The following NSMCE1 variants were observed in gnomAD, a reference collection of about 807,000 sequenced individuals.
NSMCE1 encodes the protein NSE1 component of SMC5/6 complex.
NSMCE1 carries 18 observed loss-of-function variants against 29.6 expected under a neutral mutation model. The observed-to-expected ratio is 0.61, with a 90% CI of 0.42 to 0.90. The LOEUF is 0.90. Ranked by LOEUF, NSMCE1 falls within the 40% of genes least tolerant of loss-of-function variation. The probability of loss-of-function intolerance (pLI) is 0.00; values close to 1 mark genes in which losing one functional copy is unlikely to be tolerated. For missense variants in NSMCE1, 314 were observed against 343.6 expected, an observed-to-expected ratio of 0.91 and a Z score of 0.68; for synonymous variants, 124 against 133.4, an observed-to-expected ratio of 0.93 and a Z score of 0.49.
intron 2 of NSMCE1, among the ~76,000 whole-genome samples, chr16:27,238,819 C>T (rs2083857119): frequency 6.6e-6 from 1 of 152,010 alleles, no homozygotes; most frequent in Non-Finnish European, 1.5e-5. Flanking sequence ...CCCAACTGTG[C>T]ACCTGGCCAC....
intron 5 of NSMCE1, among the ~76,000 whole-genome samples, chr16:27,227,097 G>A (rs1047886019): frequency 6.6e-6 from 1 of 152,242 alleles, no homozygotes; most frequent in East Asian, 1.9e-4. Flanking sequence ...GCCTTCAGAC[G>A]TGACTTCTCT....
intron 2 of NSMCE1, chr16:27,241,548 G>A (rs944021890): frequency 2.1e-5 from 4 of 189,252 alleles, no homozygotes; most frequent in African/African-American, 9.4e-5. Flanking sequence ...GGGGCCACAG[G>A]ATTTCACCTC....
At chr16:27,259,526 T>C (rs76802777) in intron 1 of NSMCE1, among the ~76,000 whole-genome samples, 3,232 of 152,216 alleles carry the variant, frequency 0.021, 110 homozygotes, top group African/African-American at 0.073. Context: ...TGGTGTTGCC[T>C]AGCTGTGTTT....
chr16:27,235,221 T>C lies in NSMCE1; in HGVS notation c.215A>G (p.Lys72Arg). Residue 72 changes from lysine to arginine, a missense_variant, in exon 3 of 8, where the codon AAG becomes AGG. Physicochemically the swap from Lys to Arg is conservative, Grantham distance 26 (BLOSUM62 2). Coordinates refer to ENST00000361439, the MANE Select transcript of NSMCE1 (RefSeq NM_145080.4). ...CCCATCATCTTCCGTGACTCCTCTC[T>C]TTATCTCAATATACAAGGACTCCAA... ...SVLESLYIEI[K>R]RGVTEDDGRP... The C allele has an allele frequency of 6.2e-7, 1 of 1,613,864 alleles. No homozygotes were observed. Among genetic ancestry groups the C allele is most frequent in the East Asian group, 2.2e-5 (1 of 44,874 alleles).
intron 2 of NSMCE1, among the ~76,000 whole-genome samples, chr16:27,249,356 T>C (rs1596688021): frequency 6.6e-6 from 1 of 152,256 alleles, no homozygotes; most frequent in Admixed American, 6.5e-5. Flanking sequence ...GGACTAATCA[T>C]AGGTCACAGA....
At chr16:27,255,961 T>C (rs1331308902) in intron 2 of NSMCE1, among the ~76,000 whole-genome samples, 4 of 152,144 alleles carry the variant, frequency 2.6e-5, no homozygotes, top group African/African-American at 9.7e-5. Context: ...TCATGAAGTG[T>C]TTGCCTTTGG....
intron 2 of NSMCE1, among the ~76,000 whole-genome samples, chr16:27,244,924 T>C (rs983532270): frequency 1.3e-5 from 2 of 152,238 alleles, no homozygotes; most frequent in African/African-American, 4.8e-5. Flanking sequence ...GTGGTGACCA[T>C]GCTTTGTGAA....
chr16:27,233,088 C>T lies in NSMCE1; in HGVS notation c.396G>A (p.Leu132=). The stretch of plus-strand genomic sequence containing the variant: ...TCTTCTTGCCTTTAAGTTGATCAAC[C>T]AGGTTCAATATGTTTGTGGAAGACG... ...GFASSTNILN[L]VDQLKGKKMR... The change falls in exon 5 of 8, where the codon CTG becomes CTA. Residue 132 remains leucine (L), a synonymous_variant. Coordinates refer to ENST00000361439, the MANE Select transcript of NSMCE1 (RefSeq NM_145080.4). 1.2e-6 allele frequency: 2 copies of T among 1,614,076 alleles called. No homozygotes were observed. The highest frequency in any genetic ancestry group is 1.7e-5 in the Admixed American group (1 of 60,016).
At chr16:27,226,378 C>A (rs769037637) in intron 6 of NSMCE1, 46 of 291,234 alleles carry the variant, frequency 1.6e-4, no homozygotes, top group Middle Eastern at 1.1e-3. Context: ...AGTGTTAAGA[C>A]CACTCCAGAA....
intron 2 of NSMCE1, among the ~76,000 whole-genome samples, chr16:27,244,876 C>T (rs1324404263): frequency 2.0e-5 from 3 of 152,236 alleles, no homozygotes; most frequent in Admixed American, 6.5e-5. Context: ...ACACTCAAGA[C>T]GTATCCGTCC....
At chr16:27,225,916 C>A in intron 6 of NSMCE1, 70 bp from the exon 7 acceptor site, 2 of 1,589,230 alleles carry the variant, frequency 1.3e-6, no homozygotes, top group Non-Finnish European at 1.7e-6. Context: ...TCCGGGGAAG[C>A]CACAAGGGAA....
At chr16:27,228,762 T>C (rs372685296) in intron 5 of NSMCE1, among the ~76,000 whole-genome samples, 92 of 41,406 alleles carry the variant, frequency 2.2e-3, no homozygotes, top group Admixed American at 3.4e-3. Context: ...TCTCCAGCCC[T>C]CACCCTCTTC....
intron 5 of NSMCE1, among the ~76,000 whole-genome samples, chr16:27,231,637 TAA>T (rs71387778): frequency 2.1e-5 from 3 of 140,638 alleles, no homozygotes; most frequent in Non-Finnish European, 1.5e-5. Context: ...AACTCCATCT[TAA>T]AAAAAAAAAA....
chr16:27,249,649 T>G (rs1034047803), intron 2 of NSMCE1, among the ~76,000 whole-genome samples: 1 of 152,256 alleles, frequency 6.6e-6, no homozygotes, highest in Non-Finnish European at 1.5e-5. Flanking sequence ...ATGACATGAC[T>G]ACCACACTGT....
At chr16:27,234,648 T>C (rs560347928) in intron 3 of NSMCE1, among the ~76,000 whole-genome samples, 1 of 152,372 alleles carries the variant, frequency 6.6e-6, no homozygotes, top group African/African-American at 2.4e-5. Context: ...CTGTAATGTT[T>C]TTTTTCCAGG....
chr16:27,251,584 G>T (rs925269920), intron 2 of NSMCE1, among the ~76,000 whole-genome samples: 1 of 152,008 alleles, frequency 6.6e-6, no homozygotes. Flanking sequence ...TTCTTTCCTC[G>T]CAATGTCTTT....
intron 2 of NSMCE1, among the ~76,000 whole-genome samples, chr16:27,247,409 T>C (rs1367213812): frequency 6.6e-6 from 1 of 152,244 alleles, no homozygotes; most frequent in Non-Finnish European, 1.5e-5. Context: ...CCAGCCATGC[T>C]GAACGGTGAG....
chr16:27,245,087 G>A (rs987442144), intron 2 of NSMCE1, among the ~76,000 whole-genome samples: 3 of 152,210 alleles, frequency 2.0e-5, no homozygotes, highest in African/African-American at 4.8e-5. Context: ...GGGCAGAAAA[G>A]GAAGGAAGAG....
chr16:27,251,479 T>TCGTAC (rs1174615665), intron 2 of NSMCE1, among the ~76,000 whole-genome samples: 1 of 152,176 alleles, frequency 6.6e-6, no homozygotes, highest in Non-Finnish European at 1.5e-5. Context: ...CTTGGTTATG[T>TCGTAC]CGTACCATCC....
Sources: gnomAD v4.1 joint callset for allele counts (sites outside exome capture counted in the v4.1 genomes callset) on GRCh38, gnomAD v4.1.1 for gene constraint, MANE v1.5 for transcripts, NCBI Gene and HGNC (gene_info 2026-07-23, HGNC 2026-07-21) for gene names.